TLL1: variants seen among roughly 807,000 people sequenced by gnomAD.
The protein encoded by TLL1 is tolloid-like protein 1.
In TLL1, 49 loss-of-function variants were observed where a neutral mutation model predicts 128.2. That is an observed-to-expected ratio of 0.38 (90% CI 0.30 to 0.48). TLL1 has a LOEUF of 0.48. TLL1 is among the 20% of genes least tolerant of loss of function. TLL1 has a pLI of 0.96. For synonymous variants in TLL1, 454 were observed against 418.8 expected, an observed-to-expected ratio of 1.08 and a Z score of -1.03; for missense variants, 1,123 against 1,242.0, an observed-to-expected ratio of 0.90 and a Z score of 1.44.
chr4:166,077,427 G>C (rs1741085960), intron 17 of TLL1, among the ~76,000 whole-genome samples: 3 of 151,258 alleles, frequency 2.0e-5, no homozygotes. Context: ...ATTTAACTAA[G>C]AGAGAGAGAA....
At chr4:166,065,567 T>C (rs1740530824) in intron 15 of TLL1, 116 bp from the exon 16 acceptor site, 1 of 1,128,212 alleles carries the variant, frequency 8.9e-7, no homozygotes. Flanking sequence ...TACCTGTTAG[T>C]TCTAGTTTGA....
intron 15 of TLL1, among the ~76,000 whole-genome samples, chr4:166,061,263 T>G (rs1460591836): frequency 7.3e-6 from 1 of 136,262 alleles, no homozygotes; most frequent in African/African-American, 2.9e-5. Flanking sequence ...TTTTTTTTTT[T>G]GAGACAGAGT....
intron 1 of TLL1, among the ~76,000 whole-genome samples, chr4:165,967,183 C>G (rs987974275): frequency 1.3e-5 from 2 of 152,174 alleles, no homozygotes; most frequent in African/African-American, 2.4e-5. Flanking sequence ...CTCGGGCAGT[C>G]AGGCCCAATG....
intron 8 of TLL1, among the ~76,000 whole-genome samples, chr4:166,021,713 A>G (rs748830709): frequency 1.7e-4 from 26 of 151,978 alleles, no homozygotes; most frequent in Admixed American, 2.6e-4. Context: ...TTACAGGCGT[A>G]AGCCACCGCG....
intron 1 of TLL1, among the ~76,000 whole-genome samples, chr4:165,906,104 C>T (rs188786360): frequency 6.8e-4 from 104 of 152,208 alleles, no homozygotes; most frequent in African/African-American, 2.3e-3. Context: ...CATAGCTGTG[C>T]TCATTCTATT....
In TLL1 at chr4:166,053,007, CT is replaced by C. The variant is rs1292855495; in HGVS notation, c.1525-2068del. On this transcript the variant is annotated intron_variant, in intron 12 of 20. Transcript: ENST00000061240. ...TTTGGCCAAATTGGGCTTGTCACCC[CT>C]GGTGACCAATTGAGTTAGTTTTTAA... Among the ~76,000 whole-genome samples, 21 of 106,360 alleles carry C rather than the reference CT, an allele frequency of 2.0e-4. 1 individual carries two copies. In the South Asian group the frequency reaches 6.3e-3, roughly 32 times the overall value. The allele number at this position is 106,360 out of a possible 152,430, so 69.8% of individuals were successfully genotyped here.
At chr4:165,881,833 G>A (rs192609260) in intron 1 of TLL1, among the ~76,000 whole-genome samples, 7 of 152,180 alleles carry the variant, frequency 4.6e-5, no homozygotes, top group African/African-American at 1.7e-4. Flanking sequence ...TAAGACAGGG[G>A]CTGGGTTGGA....
At chr4:166,066,695 G>A (rs750757714) in intron 16 of TLL1, among the ~76,000 whole-genome samples, 4 of 151,562 alleles carry the variant, frequency 2.6e-5, no homozygotes, top group South Asian at 2.1e-4. Context: ...GTTTGTTTGG[G>A]GTTTTCAGTA....
chr4:165,993,910 A>AAT (rs1736750439), intron 3 of TLL1, among the ~76,000 whole-genome samples: 1 of 152,132 alleles, frequency 6.6e-6, no homozygotes, highest in African/African-American at 2.4e-5. Flanking sequence ...CTACCTGTAT[A>AAT]ATATAGTATT....
chr4:165,936,004 A>G (rs888680187), intron 1 of TLL1, among the ~76,000 whole-genome samples: 1 of 151,740 alleles, frequency 6.6e-6, no homozygotes, highest in African/African-American at 2.4e-5. Context: ...GGACACACAT[A>G]ATGTCTGGTT....
intron 19 of TLL1, among the ~76,000 whole-genome samples, chr4:166,093,608 C>T (rs1476256782): frequency 6.6e-6 from 1 of 152,118 alleles, no homozygotes; most frequent in Non-Finnish European, 1.5e-5. Flanking sequence ...AAGAGGCTTT[C>T]CTCTTTTACT....
At chr4:165,954,271 C>G (rs1220038487) in intron 1 of TLL1, among the ~76,000 whole-genome samples, 1 of 151,838 alleles carries the variant, frequency 6.6e-6, no homozygotes, top group East Asian at 1.9e-4. Context: ...TCTGAAATAC[C>G]CAGAACACAT....
At chr4:165,952,771 G>A (rs993456472) in intron 1 of TLL1, among the ~76,000 whole-genome samples, 36 of 151,990 alleles carry the variant, frequency 2.4e-4, no homozygotes, top group Admixed American at 2.0e-3. Flanking sequence ...TTGGTGGCTG[G>A]GGGGGTAATC....
intron 15 of TLL1, among the ~76,000 whole-genome samples, chr4:166,063,922 C>A (rs1326538406): frequency 6.6e-6 from 1 of 151,794 alleles, no homozygotes; most frequent in Non-Finnish European, 1.5e-5. Context: ...GTGCAGCATA[C>A]CAACATGGCA....
intron 1 of TLL1, among the ~76,000 whole-genome samples, chr4:165,892,035 A>C (rs1053502737): frequency 2.0e-5 from 3 of 152,216 alleles, no homozygotes; most frequent in Non-Finnish European, 4.4e-5. Flanking sequence ...GCCTACAATC[A>C]CGGTGGAATG....
chr4:165,994,658 C>A, intron 4 of TLL1, 125 bp downstream of exon 4: 1 of 1,114,248 alleles, frequency 9.0e-7, no homozygotes, highest in Non-Finnish European at 1.3e-6. Flanking sequence ...AAAACTACTT[C>A]ATTAACTTAG....
Position 165,903,371 on chromosome 4 carries a change from T to C in TLL1, c.169+29298T>C, listed in dbSNP as rs370296688. 1.7e-4 allele frequency among the ~76,000 whole-genome samples: 26 copies of C among 151,728 alleles called. No homozygotes were observed. In the East Asian group the frequency reaches 2.1e-3, roughly 12 times the overall value. ...AACAAAGAAAGTGACAATACTGTAT[T>C]GTATACTAAAAATTTTTCTAAAAGG... On this transcript the variant is annotated intron_variant, in intron 1 of 20. Coordinates refer to ENST00000061240, the MANE Select transcript of TLL1 (RefSeq NM_012464.5).
At chr4:165,985,749 A>G (rs1736365762) in intron 1 of TLL1, among the ~76,000 whole-genome samples, 1 of 152,000 alleles carries the variant, frequency 6.6e-6, no homozygotes, top group African/African-American at 2.4e-5. Flanking sequence ...TATTCTGCAT[A>G]CTATAATAAA....
intron 1 of TLL1, among the ~76,000 whole-genome samples, chr4:165,944,076 G>A (rs1016143568): frequency 6.6e-5 from 10 of 152,178 alleles, no homozygotes; most frequent in African/African-American, 2.4e-4. Flanking sequence ...ATTTGAAGAT[G>A]CTTTTATTAT....
Sources: gnomAD v4.1 joint callset for allele counts (sites outside exome capture counted in the v4.1 genomes callset) on GRCh38, gnomAD v4.1.1 for gene constraint, MANE v1.5 for transcripts, NCBI Gene and HGNC (gene_info 2026-07-23, HGNC 2026-07-21) for gene names.